The following FARS2 variants were observed in gnomAD, a reference collection of about 807,000 sequenced individuals.
The protein encoded by FARS2 is phenylalanine--tRNA ligase, mitochondrial.
A neutral mutation model predicts 46.4 loss-of-function variants in FARS2; 40 were observed. The ratio of observed to expected loss-of-function variants is 0.86; its 90% CI spans 0.67 to 1.12. FARS2 has a LOEUF of 1.12. Ranked by LOEUF, FARS2 falls within the 50% of genes most tolerant of loss-of-function variation. The pLI is 0.00. For synonymous variants in FARS2, 234 were observed against 214.9 expected (o/e 1.09, Z -0.78); for missense variants, 513 against 567.9 (o/e 0.90, Z 0.98).
chr6:5,561,305 G>A (rs1771970622), intron 5 of FARS2, among the ~76,000 whole-genome samples: 1 of 151,986 alleles, frequency 6.6e-6, no homozygotes, highest in South Asian at 2.1e-4. Flanking sequence ...ACCTCTTAGA[G>A]TTTGCTTTTC....
intron 1 of FARS2, among the ~76,000 whole-genome samples, chr6:5,338,791 C>T (rs1244051495): frequency 2.0e-5 from 3 of 152,160 alleles, no homozygotes; most frequent in African/African-American, 7.2e-5. Flanking sequence ...CTTAGCATCA[C>T]CCTTGTTTGT....
At chr6:5,534,043 G>A (rs1348475728) in intron 4 of FARS2, among the ~76,000 whole-genome samples, 1 of 152,180 alleles carries the variant, frequency 6.6e-6, no homozygotes, top group Non-Finnish European at 1.5e-5. Context: ...GGAGGGACTT[G>A]AGACACCCTA....
chr6:5,432,369 T>A (rs915916553), intron 4 of FARS2, among the ~76,000 whole-genome samples: 4 of 122,702 alleles, frequency 3.3e-5, no homozygotes, highest in African/African-American at 1.2e-4. Flanking sequence ...ATATAATATA[T>A]TATATATTTA....
intron 6 of FARS2, among the ~76,000 whole-genome samples, chr6:5,770,192 G>T (rs1309583632): frequency 6.6e-6 from 1 of 152,296 alleles, no homozygotes; most frequent in African/African-American, 2.4e-5. Flanking sequence ...GAGTGGCCTA[G>T]GTCCAGCTCA....
At chr6:5,708,952 A>G (rs1428469447) in intron 6 of FARS2, among the ~76,000 whole-genome samples, 1 of 152,110 alleles carries the variant, frequency 6.6e-6, no homozygotes, top group Non-Finnish European at 1.5e-5. Context: ...CTTCTTAAAG[A>G]TGAATATATT....
intron 4 of FARS2, among the ~76,000 whole-genome samples, chr6:5,544,930 G>A (rs1770868686): frequency 6.6e-6 from 1 of 152,148 alleles, no homozygotes; most frequent in South Asian, 2.1e-4. Flanking sequence ...AGCCTAGAAT[G>A]TAATCAGAAA....
intron 4 of FARS2, among the ~76,000 whole-genome samples, chr6:5,492,676 C>T (rs1414962767): frequency 6.6e-6 from 1 of 152,172 alleles, no homozygotes; most frequent in Non-Finnish European, 1.5e-5. Flanking sequence ...TTTATCGAGC[C>T]CCTACCATGT....
chr6:5,475,387 CAGA>C (rs1397911079), intron 4 of FARS2, among the ~76,000 whole-genome samples: 1 of 152,178 alleles, frequency 6.6e-6, no homozygotes, highest in Non-Finnish European at 1.5e-5. Context: ...CTTTTGGAGC[CAGA>C]TTACGGAGGA....
chr6:5,520,235 A>G (rs1249057809), intron 4 of FARS2, among the ~76,000 whole-genome samples: 1 of 152,104 alleles, frequency 6.6e-6, no homozygotes, highest in East Asian at 1.9e-4. Flanking sequence ...TATTATTTCT[A>G]GGTTCCTGAG....
At chr6:5,513,151 G>A (rs928426186) in intron 4 of FARS2, among the ~76,000 whole-genome samples, 2 of 152,244 alleles carry the variant, frequency 1.3e-5, no homozygotes, top group Admixed American at 1.3e-4. Context: ...CTAGGTTCAC[G>A]AAGGAATCCA....
Position 5,338,548 on chromosome 6 carries a change from T to A in FARS2, c.-21-30002T>A, listed in dbSNP as rs79185972. On this transcript the variant is annotated intron_variant, in intron 1 of 6. Coordinates refer to ENST00000274680, the MANE Select transcript of FARS2 (RefSeq NM_006567.5). Reference sequence around the variant, plus strand: ...GTGACTTTCCTCATGCTCTTTCCTCTGCTCTAAAATGCTCTCCCTTTTCCC... The same window carrying A: ...GTGACTTTCCTCATGCTCTTTCCTCAGCTCTAAAATGCTCTCCCTTTTCCC... Among the ~76,000 whole-genome samples the A allele has an allele frequency of 8.7e-3, 1,319 of 152,278 alleles. 16 individuals are homozygous for A. The highest frequency in any genetic ancestry group is 0.03 in the African/African-American group (1,242 of 41,532).
At chr6:5,632,637 TCTTC>T (rs796749849) in intron 6 of FARS2, among the ~76,000 whole-genome samples, 1 of 141,284 alleles carries the variant, frequency 7.1e-6, no homozygotes, top group Non-Finnish European at 1.5e-5. Context: ...CTCCCTCCCT[TCTTC>T]CTTCCTTCCT....
rs79458931 is a variant in FARS2, at chr6:5,730,906, T to G, written c.1218-40385T>G. Among the ~76,000 whole-genome samples the G allele has an allele frequency of 1.9e-3, 283 of 152,314 alleles. 2 individuals are homozygous for G. Among genetic ancestry groups the G allele is most frequent in the African/African-American group, 6.5e-3 (270 of 41,562 alleles). ...GATGGTCTTTTAGAGATGAGGCAAC[T>G]GGAACACAGCAAGGTTGAGTAACTT... On this transcript the variant is annotated intron_variant, in intron 6 of 6. Transcript: ENST00000274680.
chr6:5,392,374 T>A (rs1418780739), intron 2 of FARS2, among the ~76,000 whole-genome samples: 1 of 152,182 alleles, frequency 6.6e-6, no homozygotes, highest in African/African-American at 2.4e-5. Flanking sequence ...AAAACTTTAC[T>A]GTGTTTTACA....
intron 6 of FARS2, among the ~76,000 whole-genome samples, chr6:5,658,474 C>T (rs1392925412): frequency 1.3e-5 from 2 of 152,154 alleles, no homozygotes; most frequent in African/African-American, 4.8e-5. Flanking sequence ...TCAAATGTAC[C>T]CTTCTATTCC....
At chr6:5,432,665 C>G (rs1393655117) in intron 4 of FARS2, among the ~76,000 whole-genome samples, 1 of 150,804 alleles carries the variant, frequency 6.6e-6, no homozygotes, top group Non-Finnish European at 1.5e-5. Context: ...ACCTTTCCGG[C>G]TCTGCTCCCT....
chr6:5,311,783 C>T lies in FARS2; in HGVS notation c.-22+50123C>T, dbSNP rs544325040. On this transcript the variant is annotated intron_variant, in intron 1 of 6. Coordinates refer to ENST00000274680, the MANE Select transcript of FARS2 (RefSeq NM_006567.5). This position sits in a 1 kb window ranked among gnomAD's most constrained non-coding sequence, Gnocchi z 4.1. ...ATGGTTTGTACTTGTTGGGAAGAAG[C>T]AGCTCATGTTTGGATCTAGCTGTCA... Among the ~76,000 whole-genome samples the T allele has an allele frequency of 6.6e-6, 1 of 152,166 alleles. No homozygotes were observed. Among genetic ancestry groups the T allele is most frequent in the Non-Finnish European group, 1.5e-5 (1 of 68,012 alleles).
At chr6:5,673,269 G>A (rs1017038587) in intron 6 of FARS2, among the ~76,000 whole-genome samples, 5 of 152,222 alleles carry the variant, frequency 3.3e-5, no homozygotes, top group African/African-American at 1.2e-4. Context: ...GCCACAGCTG[G>A]TTTTGCTGTG....
At chr6:5,306,519 T>A (rs1201761100) in intron 1 of FARS2, among the ~76,000 whole-genome samples, 2 of 152,134 alleles carry the variant, frequency 1.3e-5, no homozygotes, top group Admixed American at 6.5e-5. Context: ...GGTTTGGAAT[T>A]TATGAGTATT....
Sources: allele counts gnomAD v4.1 joint callset (sites outside exome capture counted in the v4.1 genomes callset), GRCh38; gene constraint gnomAD v4.1.1; non-coding constraint Gnocchi (gnomAD v3.1); transcripts MANE v1.5; gene names NCBI Gene and HGNC (gene_info 2026-07-23, HGNC 2026-07-21).